The following PTK2 variants were observed in gnomAD, a reference collection of about 807,000 sequenced individuals.
The protein encoded by PTK2 is protein tyrosine kinase 2.
Under a neutral mutation model 150.1 loss-of-function variants are expected in PTK2, and 45 were observed. The observed-to-expected ratio is 0.30, with a 90% CI of 0.24 to 0.38. The LOEUF (loss-of-function observed/expected upper bound fraction) is 0.38, where lower values mean the gene tolerates loss of function less well. PTK2 is among the 10% of genes least tolerant of loss of function. The pLI, the probability that PTK2 is intolerant of heterozygous loss-of-function variation, is 1.00. For missense variants in PTK2, 919 were observed against 1,307.3 expected, an observed-to-expected ratio of 0.70 and a Z score of 4.58; for synonymous variants, 432 against 449.2, an observed-to-expected ratio of 0.96 and a Z score of 0.48.
chr8:140,751,188 A>G (rs1484235601), intron 17 of PTK2, among the ~76,000 whole-genome samples: 2 of 151,894 alleles, frequency 1.3e-5, no homozygotes, highest in Non-Finnish European at 2.9e-5. Context: ...TGTTTTTTGG[A>G]GACAGGGTCT....
intron 29 of PTK2, among the ~76,000 whole-genome samples, chr8:140,671,792 C>T (rs2095510163): frequency 1.3e-5 from 2 of 149,552 alleles, no homozygotes; most frequent in Admixed American, 6.7e-5. Flanking sequence ...ATTAGATGGG[C>T]CTGGTGGCGG....
chr8:140,914,244 CTG>C (rs1485938397), intron 2 of PTK2, among the ~76,000 whole-genome samples: 2 of 152,060 alleles, frequency 1.3e-5, no homozygotes, highest in African/African-American at 4.8e-5. Flanking sequence ...TCAGGGATAA[CTG>C]TTTTAAAGTT....
chr8:140,736,685 C>T (rs188893519), intron 21 of PTK2, among the ~76,000 whole-genome samples: 2 of 152,292 alleles, frequency 1.3e-5, no homozygotes, highest in East Asian at 3.9e-4. Context: ...CTGCGCCTGG[C>T]TATTCTGGGC....
chr8:140,856,009 A>G (rs771978854), intron 5 of PTK2, among the ~76,000 whole-genome samples: 20 of 152,214 alleles, frequency 1.3e-4, no homozygotes, highest in Non-Finnish European at 2.5e-4. Context: ...CATATTGTAC[A>G]AAAAGGTTTA....
intron 27 of PTK2, among the ~76,000 whole-genome samples, chr8:140,682,177 T>A (rs1012355706): frequency 1.3e-5 from 2 of 151,692 alleles, no homozygotes; most frequent in Admixed American, 6.6e-5. Flanking sequence ...AAGTCAGGAG[T>A]TTGAGACCAG....
intron 10 of PTK2, among the ~76,000 whole-genome samples, chr8:140,810,957 C>G (rs1309185637): frequency 1.3e-5 from 2 of 152,196 alleles, no homozygotes; most frequent in Non-Finnish European, 2.9e-5. Flanking sequence ...CAACAGGCAA[C>G]CCCCCACCCA....
intron 7 of PTK2, among the ~76,000 whole-genome samples, chr8:140,844,827 TCTTTC>T (rs1391665798): frequency 6.6e-6 from 1 of 152,204 alleles, no homozygotes; most frequent in Non-Finnish European, 1.5e-5. Flanking sequence ...CCAACATTTA[TCTTTC>T]CTTTTTCATT....
intron 5 of PTK2, among the ~76,000 whole-genome samples, chr8:140,854,405 A>G (rs2100131253): frequency 6.6e-6 from 1 of 152,256 alleles, no homozygotes; most frequent in Non-Finnish European, 1.5e-5. Context: ...ATCATTTGCA[A>G]AAAGTTGCCA....
chr8:140,955,563 C>T (rs1279043681), intron 1 of PTK2, among the ~76,000 whole-genome samples: 1 of 152,110 alleles, frequency 6.6e-6, no homozygotes, highest in African/African-American at 2.4e-5. Context: ...ACCAAACCCA[C>T]AGGACAGGGA....
chr8:140,943,101 C>G (rs2100176417), intron 1 of PTK2, among the ~76,000 whole-genome samples: 1 of 152,166 alleles, frequency 6.6e-6, no homozygotes. Context: ...GATTAAACCT[C>G]TTTTCTTTAC....
chr8:140,661,965 G>A (rs1253340232), intron 31 of PTK2, among the ~76,000 whole-genome samples: 2 of 152,186 alleles, frequency 1.3e-5, no homozygotes. Flanking sequence ...GACAGTGAAA[G>A]GCAGATGCAG....
intron 26 of PTK2, among the ~76,000 whole-genome samples, chr8:140,691,465 T>C (rs1311153623): frequency 1.3e-5 from 2 of 152,210 alleles, no homozygotes; most frequent in Non-Finnish European, 2.9e-5. Flanking sequence ...GAAAATACTG[T>C]ATAATATATT....
intron 22 of PTK2, among the ~76,000 whole-genome samples, chr8:140,730,103 T>A (rs187536814): frequency 6.6e-6 from 1 of 152,300 alleles, no homozygotes; most frequent in East Asian, 1.9e-4. Flanking sequence ...CTAAAAATAT[T>A]CCTAAAGAGC....
chr8:140,755,362 T>C, intron 16 of PTK2, among the ~76,000 whole-genome samples: 1 of 152,196 alleles, frequency 6.6e-6, no homozygotes, highest in Non-Finnish European at 1.5e-5. Flanking sequence ...ACATGTCCCC[T>C]GGTGGCTCTC....
At chr8:140,673,646 G>T (rs931359474) in intron 29 of PTK2, among the ~76,000 whole-genome samples, 3 of 152,158 alleles carry the variant, frequency 2.0e-5, no homozygotes, top group Admixed American at 6.5e-5. Flanking sequence ...CAGGGAGGAG[G>T]GCTGCTGCTC....
At position 140,679,215 on chromosome 8, in the gene PTK2, G is replaced by A. The variant is rs186003248; in HGVS notation, c.2563-3716C>T. 4.4e-3 allele frequency among the ~76,000 whole-genome samples: 672 copies of A among 151,696 alleles called. 2 individuals carry two copies. The highest frequency in any genetic ancestry group is 0.015 in the African/African-American group (631 of 41,332). On this transcript the variant is annotated intron_variant, in intron 27 of 31. Transcript: ENST00000522684. ...AATTTTTGTATTTTTAGTAGAGACAGGGTTTCACTATGTGGGCCAGGCTGG... is the reference window on the plus strand; with the variant it reads ...AATTTTTGTATTTTTAGTAGAGACAAGGTTTCACTATGTGGGCCAGGCTGG...
At chr8:140,913,881 A>G (rs2100164174) in intron 2 of PTK2, among the ~76,000 whole-genome samples, 2 of 152,338 alleles carry the variant, frequency 1.3e-5, no homozygotes, top group South Asian at 2.1e-4. Context: ...ATTCAGTTGA[A>G]CACTGTAATC....
At chr8:140,825,769 T>TA (rs2100111431) in intron 8 of PTK2, among the ~76,000 whole-genome samples, 1 of 152,230 alleles carries the variant, frequency 6.6e-6, no homozygotes, top group African/African-American at 2.4e-5. Context: ...CTCCAGCTGT[T>TA]AAACAGCTTC....
At chr8:140,819,416 A>T (rs946491799) in intron 8 of PTK2, among the ~76,000 whole-genome samples, 2 of 151,872 alleles carry the variant, frequency 1.3e-5, no homozygotes, top group African/African-American at 4.9e-5. Context: ...CAAAAACTTT[A>T]AAAAAACCAC....
Sources: allele counts gnomAD v4.1 joint callset (sites outside exome capture counted in the v4.1 genomes callset), GRCh38; gene constraint gnomAD v4.1.1; transcripts MANE v1.5; gene names NCBI Gene and HGNC (gene_info 2026-07-23, HGNC 2026-07-21).